The following PTPRT variants were observed in gnomAD, a reference collection of about 807,000 sequenced individuals.
PTPRT encodes receptor-type tyrosine-protein phosphatase T.
Under a neutral mutation model 176.8 loss-of-function variants are expected in PTPRT, and 56 were observed. The ratio of observed to expected loss-of-function variants is 0.32; its 90% CI spans 0.26 to 0.40. PTPRT has a LOEUF of 0.40. Ranked by LOEUF, PTPRT falls within the 10% of genes least tolerant of loss-of-function variation. PTPRT has a pLI of 1.00. For synonymous variants in PTPRT, 783 were observed against 739.0 expected, an observed-to-expected ratio of 1.06 and a Z score of -0.96; for missense variants, 1,540 against 1,908.2, an observed-to-expected ratio of 0.81 and a Z score of 3.60.
intron 9 of PTPRT, among the ~76,000 whole-genome samples, chr20:42,434,434 T>C (rs1170156213): frequency 6.6e-6 from 1 of 152,156 alleles, no homozygotes; most frequent in Non-Finnish European, 1.5e-5. Context: ...AACAAGTTTA[T>C]ACTTTAGCAA....
At position 42,648,820 on chromosome 20, in the gene PTPRT, G is replaced by GTTGTTTTTTTTTTTTTTTTTTTTT. The variant is rs1310734163; in HGVS notation, c.1153+29045_1153+29046insAAAAAAAAAAAAAAAAAAAAACAA. Among the ~76,000 whole-genome samples, 64 of 111,830 alleles carry GTTGTTTTTTTTTTTTTTTTTTTTT rather than the reference G, an allele frequency of 5.7e-4. 5 individuals are homozygous for GTTGTTTTTTTTTTTTTTTTTTTTT. Among genetic ancestry groups the GTTGTTTTTTTTTTTTTTTTTTTTT allele is most frequent in the African/African-American group, 2.2e-3 (60 of 26,876 alleles). 73.4% of individuals were successfully genotyped at this position (111,830 alleles called of 152,430 possible). ...GGGGATTTTTTTTTTTGGTGTCGTT[G>GTTGTTTTTTTTTTTTTTTTTTTTT]TTTTTTTTTTTTTTTTTTGACAGAG... On this transcript the variant is annotated intron_variant, in intron 7 of 30. Transcript: ENST00000373187.
chr20:43,028,539 A>C (rs1430951684), intron 1 of PTPRT, among the ~76,000 whole-genome samples: 1 of 152,168 alleles, frequency 6.6e-6, no homozygotes, highest in East Asian at 1.9e-4. Flanking sequence ...CCCTTTTAAA[A>C]TGACATAAGC....
intron 13 of PTPRT, among the ~76,000 whole-genome samples, chr20:42,271,391 C>T (rs532436566): frequency 6.6e-6 from 1 of 152,342 alleles, no homozygotes; most frequent in Admixed American, 6.5e-5. Context: ...TTTAGTACGT[C>T]AGTGAATCTG....
At chr20:42,476,368 C>T (rs1237031865) in intron 7 of PTPRT, among the ~76,000 whole-genome samples, 1 of 152,102 alleles carries the variant, frequency 6.6e-6, no homozygotes, top group Admixed American at 6.6e-5. Flanking sequence ...TATGATCACT[C>T]CCCAGGTGAT....
chr20:42,156,328 C>T (rs1232409200), intron 17 of PTPRT, among the ~76,000 whole-genome samples: 1 of 152,166 alleles, frequency 6.6e-6, no homozygotes, highest in African/African-American at 2.4e-5. Context: ...GTTCCCAGAG[C>T]CTAGTACAGT....
chr20:42,333,116 C>CT (rs771017407), intron 11 of PTPRT, among the ~76,000 whole-genome samples: 34 of 151,802 alleles, frequency 2.2e-4, no homozygotes, highest in Non-Finnish European at 3.8e-4. Context: ...AATATTCCTC[C>CT]TTTTTTTTCC....
chr20:42,688,961 G>C (rs2075746385), intron 6 of PTPRT, among the ~76,000 whole-genome samples: 1 of 152,214 alleles, frequency 6.6e-6, no homozygotes, highest in Non-Finnish European at 1.5e-5. Flanking sequence ...ATAGAAGAAA[G>C]TGATACAGGC....
chr20:42,579,612 G>A (rs1487005888), intron 7 of PTPRT, among the ~76,000 whole-genome samples: 1 of 152,182 alleles, frequency 6.6e-6, no homozygotes, highest in Non-Finnish European at 1.5e-5. Flanking sequence ...TAACTGGTGT[G>A]AGATGGTATC....
chr20:42,594,321 GAAAA>G (rs1163964905), intron 7 of PTPRT, among the ~76,000 whole-genome samples: 1 of 151,480 alleles, frequency 6.6e-6, no homozygotes, highest in African/African-American at 2.4e-5. Context: ...CTCAAGACAT[GAAAA>G]AAAACCCTCT....
intron 7 of PTPRT, among the ~76,000 whole-genome samples, chr20:42,622,386 C>G (rs2074215449): frequency 6.6e-6 from 1 of 152,090 alleles, no homozygotes; most frequent in African/African-American, 2.4e-5. Flanking sequence ...GGACTACAGG[C>G]ACCCGCCAAC....
intron 1 of PTPRT, among the ~76,000 whole-genome samples, chr20:42,918,477 T>C (rs1978925134): frequency 6.6e-6 from 1 of 152,156 alleles, no homozygotes; most frequent in Non-Finnish European, 1.5e-5. Flanking sequence ...TAGTCAGGCT[T>C]CACTCCTTCC....
intron 6 of PTPRT, among the ~76,000 whole-genome samples, chr20:42,754,460 G>A (rs2076802442): frequency 6.6e-6 from 1 of 152,062 alleles, no homozygotes; most frequent in Admixed American, 6.5e-5. Flanking sequence ...TGTATTTTTA[G>A]TAGAGACGGG....
chr20:42,598,042 A>G (rs1167462168), intron 7 of PTPRT, among the ~76,000 whole-genome samples: 1 of 152,192 alleles, frequency 6.6e-6, no homozygotes, highest in Non-Finnish European at 1.5e-5. Context: ...ATTTGAAATC[A>G]TGAATATATA....
intron 5 of PTPRT, among the ~76,000 whole-genome samples, chr20:42,768,980 G>A (rs541484738): frequency 1.1e-4 from 16 of 152,214 alleles, no homozygotes; most frequent in African/African-American, 3.9e-4. Context: ...ATATTGTGAT[G>A]GTCCTGCCTC....
chr20:42,112,511 C>T (rs940407267), intron 22 of PTPRT, among the ~76,000 whole-genome samples: 17 of 152,092 alleles, frequency 1.1e-4, no homozygotes, highest in Non-Finnish European at 4.4e-5. Context: ...CAGTAATGTT[C>T]TGGGAAAAAC....
At chr20:42,358,891 T>C (rs1342264353) in intron 9 of PTPRT, among the ~76,000 whole-genome samples, 1 of 152,322 alleles carries the variant, frequency 6.6e-6, no homozygotes, top group South Asian at 2.1e-4. Flanking sequence ...GTAGGTGGCA[T>C]TTCTGCTGAG....
chr20:42,903,214 CT>C (rs2079429381), intron 1 of PTPRT, among the ~76,000 whole-genome samples: 1 of 152,218 alleles, frequency 6.6e-6, no homozygotes, highest in African/African-American at 2.4e-5. Flanking sequence ...TAACAACCAT[CT>C]TGTAATCCAA....
chr20:42,696,010 C>T (rs1600624928), intron 6 of PTPRT, among the ~76,000 whole-genome samples: 1 of 152,198 alleles, frequency 6.6e-6, no homozygotes, highest in Middle Eastern at 3.4e-3. Flanking sequence ...GACCTAGTGA[C>T]TCGCTTCTAG....
At position 42,080,068 on chromosome 20, in the gene PTPRT, A is replaced by C. The variant is rs1983165720; in HGVS notation, c.*811T>G. On this transcript the variant is annotated 3_prime_UTR_variant, in exon 31 of 31. Coordinates refer to ENST00000373187, the MANE Select transcript of PTPRT (RefSeq NM_007050.6). ...ACCACCAAAGAAACACAGGGGTTAC[A>C]TCCTACAGGTCAGCCCAAGCCCTGC... 4.3e-6 allele frequency: 1 copy of C among 232,776 alleles called. No homozygotes were observed. The highest frequency in any genetic ancestry group is 2.2e-5 in the African/African-American group (1 of 45,346). The allele number at this position is 232,776 out of a possible 1,614,324, so 14.4% of individuals were successfully genotyped here. A position where few individuals can be genotyped will look rare whatever the true frequency, so the allele number is the denominator to read the frequency against.
Sources: gnomAD v4.1 joint callset for allele counts (sites outside exome capture counted in the v4.1 genomes callset) on GRCh38, gnomAD v4.1.1 for gene constraint, MANE v1.5 for transcripts, NCBI Gene and HGNC (gene_info 2026-07-23, HGNC 2026-07-21) for gene names.